The following MED12L variants were observed in gnomAD, a reference collection of about 807,000 sequenced individuals.
MED12L encodes mediator complex subunit 12L.
In MED12L, 60 loss-of-function variants were observed where a neutral mutation model predicts 281.3. The ratio of observed to expected loss-of-function variants is 0.21; its 90% CI spans 0.17 to 0.26. MED12L has a LOEUF of 0.26. MED12L is among the 10% of genes least tolerant of loss of function. The pLI, the probability that MED12L is intolerant of heterozygous loss-of-function variation, is 1.00. For synonymous variants in MED12L, 974 were observed against 987.2 expected (o/e 0.99, Z 0.25); for missense variants, 2,146 against 2,680.9 (o/e 0.80, Z 4.41).
At chr3:151,139,988 A>C (rs576401810) in intron 5 of MED12L, among the ~76,000 whole-genome samples, 1 of 152,350 alleles carries the variant, frequency 6.6e-6, no homozygotes, top group Admixed American at 6.5e-5. Context: ...TTTTCCTGGA[A>C]GATATCTTGC....
At chr3:151,093,872 G>A (rs1414552887) in intron 2 of MED12L, among the ~76,000 whole-genome samples, 1 of 152,190 alleles carries the variant, frequency 6.6e-6, no homozygotes, top group Non-Finnish European at 1.5e-5. Flanking sequence ...AAGGCTGTCA[G>A]TTAGGGGTAC....
At chr3:151,167,842 A>G (rs1271586041) in intron 11 of MED12L, among the ~76,000 whole-genome samples, 2 of 152,200 alleles carry the variant, frequency 1.3e-5, no homozygotes, top group Non-Finnish European at 2.9e-5. Flanking sequence ...TTTTTAATAC[A>G]TATAGGTGAG....
intron 16 of MED12L, among the ~76,000 whole-genome samples, chr3:151,211,109 G>T (rs984499980): frequency 3.9e-5 from 6 of 152,224 alleles, no homozygotes; most frequent in African/African-American, 1.4e-4. Flanking sequence ...GGACCTGAAA[G>T]TTCTAATAGG....
Position 151,358,918 on chromosome 3 carries a change from T to C in MED12L, c.2825+1542T>C, listed in dbSNP as rs1229531401. On this transcript the variant is annotated intron_variant, in intron 20 of 44. Coordinates refer to ENST00000687756, the MANE Select transcript of MED12L (RefSeq NM_001393769.1). The stretch of plus-strand genomic sequence containing the variant: ...AGTCACAAAATAATTTTTCGCTTTA[T>C]AGATAATATCAGGATTTTGTTTAAC... Among the ~76,000 whole-genome samples, 8 of 152,330 alleles carry C rather than the reference T, an allele frequency of 5.3e-5. No homozygotes were observed. The East Asian group carries it at 1.5e-3, about 29-fold the overall frequency.
chr3:151,125,824 C>CT (rs1437423570), intron 4 of MED12L, among the ~76,000 whole-genome samples: 2 of 152,046 alleles, frequency 1.3e-5, no homozygotes, highest in Non-Finnish European at 2.9e-5. Flanking sequence ...TAAGTTGTAT[C>CT]TTTTTTGTCT....
chr3:151,328,331 G>A (rs746195218), intron 16 of MED12L: 1 of 1,613,212 alleles, frequency 6.2e-7, no homozygotes, highest in Non-Finnish European at 8.5e-7. Flanking sequence ...CTTACTTTTG[G>A]ACTTTCTATA....
intron 43 of MED12L, among the ~76,000 whole-genome samples, chr3:151,417,568 C>A (rs1577603911): frequency 6.9e-6 from 1 of 145,066 alleles, no homozygotes; most frequent in East Asian, 2.2e-4. Flanking sequence ...TCACTGCAAC[C>A]TCCTCCTCCC....
chr3:151,167,326 A>G (rs1416014234), intron 11 of MED12L, among the ~76,000 whole-genome samples: 1 of 152,224 alleles, frequency 6.6e-6, no homozygotes, highest in Middle Eastern at 3.2e-3. Context: ...TGCCGATGAT[A>G]ATATCCAGCC....
intron 2 of MED12L, among the ~76,000 whole-genome samples, chr3:151,107,542 GA>G (rs1031498986): frequency 1.3e-5 from 2 of 152,016 alleles, no homozygotes; most frequent in African/African-American, 4.8e-5. Flanking sequence ...GTTGTGGCTT[GA>G]AAAATATAAA....
chr3:151,418,221 G>T (rs1261499591), intron 43 of MED12L, among the ~76,000 whole-genome samples: 1 of 151,606 alleles, frequency 6.6e-6, no homozygotes, highest in Non-Finnish European at 1.5e-5. Flanking sequence ...TTACCCTTAA[G>T]TACTTTCACT....
At chr3:151,298,261 G>A (rs1383502887) in intron 16 of MED12L, among the ~76,000 whole-genome samples, 4 of 152,118 alleles carry the variant, frequency 2.6e-5, no homozygotes, top group African/African-American at 7.2e-5. Context: ...AAAGTGAATG[G>A]CTTTCTTCAC....
At chr3:151,256,746 A>T (rs558535268) in intron 16 of MED12L, among the ~76,000 whole-genome samples, 1 of 152,216 alleles carries the variant, frequency 6.6e-6, no homozygotes, top group East Asian at 1.9e-4. Context: ...AAGGAGAACA[A>T]AAACTCATAC....
At chr3:151,183,900 G>T (rs1020214770) in intron 11 of MED12L, among the ~76,000 whole-genome samples, 1 of 152,146 alleles carries the variant, frequency 6.6e-6, no homozygotes, top group African/African-American at 2.4e-5. Flanking sequence ...TATTTTTAGG[G>T]TAACTCTTTT....
intron 30 of MED12L, among the ~76,000 whole-genome samples, chr3:151,377,439 T>C (rs1756978725): frequency 6.6e-6 from 1 of 152,256 alleles, no homozygotes; most frequent in African/African-American, 2.4e-5. Flanking sequence ...CTTAGTCTAC[T>C]GTGTTACGTA....
intron 16 of MED12L, among the ~76,000 whole-genome samples, chr3:151,345,670 A>G (rs1025929421): frequency 2.0e-5 from 3 of 151,746 alleles, no homozygotes; most frequent in African/African-American, 7.3e-5. Context: ...GGCACCTGCC[A>G]CCACGCCTGG....
chr3:151,156,391 T>C, intron 6 of MED12L, 61 bp downstream of exon 6: 1 of 1,470,814 alleles, frequency 6.8e-7, no homozygotes. Flanking sequence ...GCAAATTCCT[T>C]ATAGTTTGGT....
chr3:151,355,384 G>T, intron 18 of MED12L, 145 bp downstream of exon 18: 1 of 559,372 alleles, frequency 1.8e-6, no homozygotes, highest in South Asian at 2.8e-5. Flanking sequence ...CTATTGAGTA[G>T]TTCTTTTAAG....
At chr3:151,168,550 C>G (rs1721008042) in intron 11 of MED12L, among the ~76,000 whole-genome samples, 1 of 152,126 alleles carries the variant, frequency 6.6e-6, no homozygotes, top group Non-Finnish European at 1.5e-5. Flanking sequence ...AGTGTTGCCC[C>G]ATTTAGCAGT....
intron 2 of MED12L, among the ~76,000 whole-genome samples, chr3:151,087,434 G>C (rs906920243): frequency 6.6e-6 from 1 of 152,204 alleles, no homozygotes; most frequent in East Asian, 1.9e-4. Flanking sequence ...GAGGTCTTGC[G>C]TTTTGCTTTT....
Sources: gnomAD v4.1 joint callset for allele counts (sites outside exome capture counted in the v4.1 genomes callset) on GRCh38, gnomAD v4.1.1 for gene constraint, MANE v1.5 for transcripts, NCBI Gene and HGNC (gene_info 2026-07-23, HGNC 2026-07-21) for gene names.